Variants in DRC1 observed in about 807,000 individuals in gnomAD.
The protein encoded by DRC1 is dynein regulatory complex subunit 1.
In DRC1, 74 loss-of-function variants were observed where a neutral mutation model predicts 98.7. The ratio of observed to expected loss-of-function variants is 0.75; its 90% confidence interval spans 0.62 to 0.91. The LOEUF (loss-of-function observed/expected upper bound fraction) is 0.91. DRC1 is among the 40% of genes least tolerant of loss of function. The pLI is 0.00. For missense variants in DRC1, 875 were observed against 886.0 expected, an observed-to-expected ratio of 0.99 and a Z score of 0.16; for synonymous variants, 336 against 334.1, an observed-to-expected ratio of 1.01 and a Z score of -0.06.
At chr2:26,451,124 T>G (rs1019369560) in intron 13 of DRC1, among the ~76,000 whole-genome samples, 20 of 152,212 alleles carry the variant, frequency 1.3e-4, no homozygotes, top group African/African-American at 4.6e-4. Flanking sequence ...GGCTTTTATG[T>G]CAGGTATAGC....
chr2:26,448,438 G>T, intron 10 of DRC1: 1 of 635,774 alleles, frequency 1.6e-6, no homozygotes, highest in Non-Finnish European at 3.0e-6. Flanking sequence ...GACGCAATTT[G>T]GAAAAGTAGG....
At chr2:26,426,291 C>A (rs1005940959) in intron 4 of DRC1, among the ~76,000 whole-genome samples, 5 of 151,816 alleles carry the variant, frequency 3.3e-5, no homozygotes, top group African/African-American at 1.2e-4. Context: ...CTCTCTAGTT[C>A]CCTTGGTCTA....
intron 16 of DRC1, 26 bp downstream of exon 16, chr2:26,455,259 G>C (rs780041513): frequency 6.2e-7 from 1 of 1,605,936 alleles, no homozygotes; most frequent in South Asian, 1.1e-5. Flanking sequence ...TTCCAAGGAG[G>C]GGCAGCGGGA....
rs891553058 is a variant in DRC1 at position 26,451,448 on chromosome 2, T to G, written c.1689+767T>G. ...GTCATATAACATTTTAATTTAAAAA[T>G]GAAAAATGTGAATGAAAAATGTTTT... On this transcript the variant is annotated intron_variant, in intron 13 of 16. Transcript: ENST00000288710. 2.4e-4 allele frequency among the ~76,000 whole-genome samples: 36 copies of G among 152,236 alleles called. 1 individual carries two copies. Among genetic ancestry groups the G allele is most frequent in the Non-Finnish European group, 4.4e-5 (3 of 68,040 alleles).
At chr2:26,452,134 G>T (rs571338619) in intron 13 of DRC1, among the ~76,000 whole-genome samples, 6 of 151,706 alleles carry the variant, frequency 4.0e-5, no homozygotes, top group African/African-American at 1.5e-4. Flanking sequence ...GTATAACATA[G>T]CGATGACTGA....
At chr2:26,403,928 T>C (rs1269142110) in intron 1 of DRC1, among the ~76,000 whole-genome samples, 4 of 151,758 alleles carry the variant, frequency 2.6e-5, no homozygotes, top group Admixed American at 1.3e-4. Flanking sequence ...GGTGAAACCC[T>C]GTCTCTATTA....
intron 10 of DRC1, 25 bp downstream of exon 10, chr2:26,444,973 C>G (rs1430239349): frequency 4.4e-6 from 7 of 1,607,898 alleles, no homozygotes; most frequent in East Asian, 4.5e-5. Context: ...GTCATAGAGC[C>G]TTAGAGCTGG....
chr2:26,406,196 G>C (rs529532011), intron 1 of DRC1, among the ~76,000 whole-genome samples: 1 of 152,180 alleles, frequency 6.6e-6, no homozygotes, highest in Non-Finnish European at 1.5e-5. Context: ...TCAGAACTTA[G>C]ATTGACAAGA....
intron 1 of DRC1, among the ~76,000 whole-genome samples, chr2:26,409,882 T>C (rs1217096401): frequency 6.6e-6 from 1 of 151,932 alleles, no homozygotes; most frequent in Non-Finnish European, 1.5e-5. Context: ...GTCTTTAACA[T>C]GAATGGTAGA....
At chr2:26,420,777 T>C (rs1215603675) in intron 2 of DRC1, among the ~76,000 whole-genome samples, 1 of 148,558 alleles carries the variant, frequency 6.7e-6, no homozygotes, top group Non-Finnish European at 1.5e-5. Flanking sequence ...TTTTTTTTTT[T>C]TTCTGAGATA....
At chr2:26,440,547 T>C in intron 8 of DRC1, 30 bp downstream of exon 8, 1 of 1,600,994 alleles carries the variant, frequency 6.2e-7, no homozygotes, top group Non-Finnish European at 8.5e-7. Flanking sequence ...GTCTTTCTTC[T>C]GGGCCTTCTG....
intron 6 of DRC1, among the ~76,000 whole-genome samples, chr2:26,431,254 G>A (rs950674966): frequency 1.9e-4 from 29 of 152,062 alleles, no homozygotes; most frequent in African/African-American, 6.3e-4. Context: ...GCGCCCGGCC[G>A]CCTTTTTGTA....
At chr2:26,440,539 C>T (rs551506840) in intron 8 of DRC1, 22 bp downstream of exon 8, 4 of 1,603,268 alleles carry the variant, frequency 2.5e-6, no homozygotes, top group Non-Finnish European at 1.7e-6. Context: ...TGCAGAGCGT[C>T]TTTCTTCTGG....
Position 26,414,409 on chromosome 2 carries a change from A to T in DRC1, c.221A>T (p.Lys74Ile). ...GAGGAGGATCAAAGCAAGAGCTACA[A>T]ACAGAAAGAAGAAAGCCGATTGGTA... ...ESEEDQSKSYKQKEESRLKLA... is the reference protein window; with the variant it reads ...ESEEDQSKSYIQKEESRLKLA... The change falls in exon 2 of 17, where the codon AAA becomes ATA. Residue 74 changes from lysine (K) to isoleucine (I), a missense_variant. By Grantham distance (102) the Lys-to-Ile change is moderately radical (BLOSUM62 -3). Transcript: ENST00000288710. The T allele has an allele frequency of 1.2e-6, 2 of 1,613,866 alleles. No individual in the cohort carries two copies. Among genetic ancestry groups the T allele is most frequent in the South Asian group, 2.2e-5 (2 of 91,014 alleles).
chr2:26,431,015 C>T, intron 6 of DRC1, 143 bp downstream of exon 6: 1 of 700,504 alleles, frequency 1.4e-6, no homozygotes, highest in South Asian at 2.1e-5. Flanking sequence ...GGTTGGAATG[C>T]TGTGGAGCAA....
At chr2:26,453,639 G>A (rs925078169) in intron 14 of DRC1, 90 bp downstream of exon 14, 1 of 1,328,346 alleles carries the variant, frequency 7.5e-7, no homozygotes, top group East Asian at 2.3e-5. Flanking sequence ...GAGTGGAGAA[G>A]AGTCTGCTGG....
intron 2 of DRC1, among the ~76,000 whole-genome samples, chr2:26,416,712 A>G (rs1481539160): frequency 1.3e-5 from 2 of 152,188 alleles, no homozygotes; most frequent in Admixed American, 6.6e-5. Flanking sequence ...CTTTGTTGTG[A>G]ATCAGGTGAC....
chr2:26,408,418 A>T (rs983812447), intron 1 of DRC1, among the ~76,000 whole-genome samples: 2 of 152,136 alleles, frequency 1.3e-5, no homozygotes, highest in Non-Finnish European at 2.9e-5. Context: ...TTCATATTCC[A>T]GGCAGGAGGC....
At chr2:26,438,788 A>AGAGT (rs1663639044) in intron 7 of DRC1, among the ~76,000 whole-genome samples, 1 of 152,182 alleles carries the variant, frequency 6.6e-6, no homozygotes, top group South Asian at 2.1e-4. Context: ...TTCCTGGGCC[A>AGAGT]GAGTCTGTAG....
Sources: gnomAD v4.1 joint callset for allele counts (sites outside exome capture counted in the v4.1 genomes callset) on GRCh38, gnomAD v4.1.1 for gene constraint, MANE v1.5 for transcripts, NCBI Gene and HGNC (gene_info 2026-07-23, HGNC 2026-07-21) for gene names.